TSHR: variants seen among roughly 807,000 people sequenced by gnomAD.
The protein encoded by TSHR is thyrotropin receptor.
A neutral mutation model predicts 64.1 loss-of-function variants in TSHR; 51 were observed. The ratio of observed to expected loss-of-function variants is 0.80; its 90% CI spans 0.64 to 1.01. TSHR has a LOEUF of 1.01. Among genes scored for constraint, TSHR ranks in the 50% least tolerant of loss-of-function variants. The probability of loss-of-function intolerance (pLI) is 0.00; values close to 1 mark genes in which losing one functional copy is unlikely to be tolerated. For missense variants in TSHR, 877 were observed against 942.8 expected (o/e 0.93, Z 0.91); for synonymous variants, 361 against 361.9 (o/e 1.00, Z 0.03).
intron 3 of TSHR, among the ~76,000 whole-genome samples, chr14:81,080,454 A>G (rs1887821143): frequency 6.6e-6 from 1 of 152,214 alleles, no homozygotes; most frequent in African/African-American, 2.4e-5. Flanking sequence ...TGCACCTGCC[A>G]GGCAATTTAG....
chr14:81,047,142 G>A (rs1384011594), intron 1 of TSHR, among the ~76,000 whole-genome samples: 2 of 152,302 alleles, frequency 1.3e-5, no homozygotes, highest in Middle Eastern at 3.4e-3. Context: ...ATAGTGGGTA[G>A]AAAATATGTG....
chr14:81,135,742 T>G lies in TSHR; in HGVS notation c.693-3937T>G, dbSNP rs959166526. ...ATTCCAGTAAGCTTCAAGGCAAGAA[T>G]CATTCTATTTGAGATATTTTGAGTG... On this transcript the variant is annotated intron_variant, in intron 8 of 9. Transcript: ENST00000298171. 8.5e-5 allele frequency among the ~76,000 whole-genome samples: 13 copies of G among 152,204 alleles called. 1 individual carries two copies. The highest frequency in any genetic ancestry group is 3.1e-4 in the African/African-American group (13 of 41,458).
At chr14:81,118,450 C>T (rs879493720) in intron 8 of TSHR, among the ~76,000 whole-genome samples, 121 of 141,646 alleles carry the variant, frequency 8.5e-4, no homozygotes, top group Middle Eastern at 3.5e-3. Flanking sequence ...AATAAAATAC[C>T]TAGGAATCCA....
chr14:81,048,172 CAT>C (rs1885261501), intron 1 of TSHR, among the ~76,000 whole-genome samples: 3 of 152,154 alleles, frequency 2.0e-5, no homozygotes, highest in African/African-American at 4.8e-5. Flanking sequence ...ACTCCCAACT[CAT>C]CACCCTACTT....
chr14:81,067,026 T>C (rs1022488166), intron 2 of TSHR, among the ~76,000 whole-genome samples: 8 of 152,226 alleles, frequency 5.3e-5, no homozygotes, highest in African/African-American at 1.9e-4. Flanking sequence ...CCTTTTTCAG[T>C]ACTTGAAGCT....
At chr14:81,038,804 G>A (rs1429424714) in intron 1 of TSHR, among the ~76,000 whole-genome samples, 2 of 150,008 alleles carry the variant, frequency 1.3e-5, no homozygotes, top group East Asian at 3.9e-4. Flanking sequence ...AAATCTAGAA[G>A]ACATGGATAT....
intron 1 of TSHR, among the ~76,000 whole-genome samples, chr14:81,018,519 G>C (rs924944924): frequency 2.6e-5 from 4 of 152,208 alleles, no homozygotes; most frequent in African/African-American, 9.7e-5. Flanking sequence ...CAATAAATGG[G>C]TAAGTGCTGT....
rs761250985 is a variant in TSHR at position 80,955,645 on chromosome 14, C to T, written c.-36C>T. 10 of 1,612,348 alleles carry T rather than the reference C, an allele frequency of 6.2e-6. No individual in the cohort carries two copies. The highest frequency in any genetic ancestry group is 8.5e-6 in the Non-Finnish European group (10 of 1,179,528). ...TGCAGAGCTGAGAATGAGGCGATTT[C>T]GGAGGATGGAGAAATAGCCCCGAGT... On this transcript the variant is annotated 5_prime_UTR_variant, in exon 1 of 10. Transcript: ENST00000298171.
chr14:81,042,684 G>T (rs1884979782), intron 1 of TSHR, among the ~76,000 whole-genome samples: 1 of 152,042 alleles, frequency 6.6e-6, no homozygotes, highest in South Asian at 2.1e-4. Context: ...TGGGTACAAA[G>T]TTACAGTTAG....
chr14:81,075,769 A>G (rs1887456839), intron 3 of TSHR, among the ~76,000 whole-genome samples: 1 of 151,624 alleles, frequency 6.6e-6, no homozygotes, highest in Admixed American at 6.6e-5. Flanking sequence ...TAGAAATACC[A>G]TTTGACCCAG....
intron 1 of TSHR, among the ~76,000 whole-genome samples, chr14:81,022,656 A>G (rs1338391926): frequency 6.6e-6 from 1 of 151,906 alleles, no homozygotes; most frequent in Non-Finnish European, 1.5e-5. Flanking sequence ...CCCCATCTCT[A>G]CTAAAAATAC....
intron 9 of TSHR, among the ~76,000 whole-genome samples, chr14:81,140,134 T>C (rs888084331): frequency 6.6e-6 from 1 of 152,190 alleles, no homozygotes; most frequent in African/African-American, 2.4e-5. Context: ...CCAGATCTCA[T>C]AGAATCTTGT....
At chr14:80,978,152 G>A (rs537438105) in intron 1 of TSHR, among the ~76,000 whole-genome samples, 1 of 149,626 alleles carries the variant, frequency 6.7e-6, no homozygotes, top group East Asian at 2.0e-4. Flanking sequence ...CTTTTCTAAA[G>A]CATGAACATT....
At chr14:81,095,244 A>AG (rs1230374844) in intron 6 of TSHR, among the ~76,000 whole-genome samples, 1 of 152,124 alleles carries the variant, frequency 6.6e-6, no homozygotes, top group Non-Finnish European at 1.5e-5. Context: ...CTCCTGCAGA[A>AG]AGGGGGGCTG....
chr14:80,976,789 A>G (rs1887899901), intron 1 of TSHR, among the ~76,000 whole-genome samples: 2 of 152,218 alleles, frequency 1.3e-5, no homozygotes, highest in South Asian at 4.1e-4. Context: ...AGAGCCTAGT[A>G]TTATAGGAAG....
At chr14:81,121,616 AT>A (rs1890794678) in intron 8 of TSHR, among the ~76,000 whole-genome samples, 2 of 152,160 alleles carry the variant, frequency 1.3e-5, no homozygotes, top group South Asian at 4.1e-4. Context: ...GAGCTGAAGA[AT>A]GAAGACTCCA....
At position 81,091,086 on chromosome 14, in the gene TSHR, G is replaced by T. The variant is rs758236283; in HGVS notation, c.410G>T (p.Gly137Val). The T allele has an allele frequency of 3.1e-6, 5 of 1,611,634 alleles. No homozygotes were observed. The highest frequency in any genetic ancestry group is 1.3e-5 in the African/African-American group (1 of 74,750). The change falls in exon 5 of 10, where the codon GGA becomes GTA. Residue 137 changes from glycine to valine, a missense_variant. By Grantham distance (109) the Gly-to-Val change is moderately radical. Transcript: ENST00000298171. ...TAATTTAGTGGCATTTTCAACACTG[G>T]ACTTAAAATGTTCCCTGACCTGACC... The part of the protein sequence containing the change: ...LLKFLGIFNT[G>V]LKMFPDLTKV...
chr14:80,960,583 C>T (rs1165544305), intron 1 of TSHR, among the ~76,000 whole-genome samples: 3 of 151,952 alleles, frequency 2.0e-5, no homozygotes, highest in Non-Finnish European at 2.9e-5. Flanking sequence ...TAAAATGTGT[C>T]CATCATATAT....
At chr14:81,141,594 G>A (rs1012299291) in intron 9 of TSHR, among the ~76,000 whole-genome samples, 1 of 152,130 alleles carries the variant, frequency 6.6e-6, no homozygotes, top group Non-Finnish European at 1.5e-5. Flanking sequence ...TTTGCTTACT[G>A]TCTAATGGAG....
Sources: gnomAD v4.1 joint callset for allele counts (sites outside exome capture counted in the v4.1 genomes callset) on GRCh38, gnomAD v4.1.1 for gene constraint, MANE v1.5 for transcripts, NCBI Gene and HGNC (gene_info 2026-07-23, HGNC 2026-07-21) for gene names.